The following ZZEF1 variants were observed in gnomAD, a reference collection of about 807,000 sequenced individuals.
ZZEF1 encodes zinc finger ZZ-type and EF-hand domain containing 1.
A neutral mutation model predicts 342.8 loss-of-function variants in ZZEF1; 157 were observed. The ratio of observed to expected loss-of-function variants is 0.46; its 90% CI spans 0.40 to 0.52. The LOEUF (loss-of-function observed/expected upper bound fraction) is 0.52, where lower values mean the gene tolerates loss of function less well. ZZEF1 is among the 20% of genes least tolerant of loss of function. The probability of loss-of-function intolerance (pLI) is 0.00; values close to 1 mark genes in which losing one functional copy is unlikely to be tolerated. For synonymous variants in ZZEF1, 1,505 were observed against 1,429.1 expected (o/e 1.05, Z -1.20); for missense variants, 3,480 against 3,725.6 (o/e 0.93, Z 1.72).
At chr17:4,041,297 T>C (rs201367436) in intron 39 of ZZEF1, among the ~76,000 whole-genome samples, 5 of 103,802 alleles carry the variant, frequency 4.8e-5, no homozygotes, top group East Asian at 3.6e-4. Flanking sequence ...AGGGAACACA[T>C]AATGATTTTC....
rs1182573086 is a variant in ZZEF1 at position 4,117,087 on chromosome 17, A to G, written c.579T>C (p.Asn193=). The change falls in exon 3 of 55, where the codon AAT becomes AAC. Residue 193 remains asparagine (N), a synonymous_variant. Transcript: ENST00000381638. ...AGGGCATCACCGCGCTGGAGAGCCG[A>G]TTGCGGTGCAGGAAGCGCAGTATCA... ...SSMILRFLHR[N]RLSSAVMPYP... 2 of 1,614,066 alleles carry G rather than the reference A, an allele frequency of 1.2e-6. No homozygotes were observed. Among genetic ancestry groups the G allele is most frequent in the East Asian group, 4.5e-5 (2 of 44,892 alleles).
rs754936720 is a variant in ZZEF1 at position 4,082,482 on chromosome 17, T to C, written c.2669A>G (p.Lys890Arg). 4 of 1,614,154 alleles carry C rather than the reference T, an allele frequency of 2.5e-6. No homozygotes were observed. The highest frequency in any genetic ancestry group is 2.7e-5 in the African/African-American group (2 of 75,068). The change falls in exon 17 of 55, where the codon AAG becomes AGG. Residue 890 changes from lysine (K) to arginine (R), a missense_variant. Transcript: ENST00000381638. The stretch of plus-strand genomic sequence containing the variant: ...ACGGAAAGTGAGCTGCAGGGACTGC[T>C]TGTGCTCCTGCTCGGTGACATTCTT... ...TMMNVTEQEH[K>R]QSLQLTFRSL...
intron 1 of ZZEF1, among the ~76,000 whole-genome samples, chr17:4,139,172 T>C (rs1334025096): frequency 2.2e-5 from 3 of 136,640 alleles, no homozygotes; most frequent in Non-Finnish European, 4.6e-5. Context: ...AAAAGGTGTG[T>C]TGTACTATAA....
Position 4,142,997 on chromosome 17 carries a change from A to C in ZZEF1, c.-102T>G, listed in dbSNP as rs1567881486. ...CAGCTGGCGGGCGGGGACGCGGAGG[A>C]GACGACGGCGGCCCCTGCGGCTTCC... On this transcript the variant is annotated 5_prime_UTR_variant, in exon 1 of 55. Coordinates refer to ENST00000381638, the MANE Select transcript of ZZEF1 (RefSeq NM_015113.4). 11 of 1,269,336 alleles carry C rather than the reference A, an allele frequency of 8.7e-6. No individual in the cohort carries two copies. The highest frequency in any genetic ancestry group is 1.1e-5 in the Non-Finnish European group (11 of 1,012,272). The allele number at this position is 1,269,336 out of a possible 1,614,324, so 78.6% of individuals were successfully genotyped here. A position where few individuals can be genotyped will look rare whatever the true frequency, so the allele number is the denominator to read the frequency against.
chr17:4,093,816 GCTT>G (rs1359763734), intron 11 of ZZEF1, among the ~76,000 whole-genome samples: 2 of 151,940 alleles, frequency 1.3e-5, no homozygotes, highest in Non-Finnish European at 2.9e-5. Flanking sequence ...TCTTGTCTTA[GCTT>G]CTTCAATTTT....
chr17:4,065,831 A>G (rs954315574), intron 28 of ZZEF1, among the ~76,000 whole-genome samples: 1 of 152,294 alleles, frequency 6.6e-6, no homozygotes, highest in East Asian at 1.9e-4. Flanking sequence ...GTGTGAGCAC[A>G]CTTTAAAATC....
intron 9 of ZZEF1, among the ~76,000 whole-genome samples, chr17:4,097,907 A>G (rs1249431566): frequency 3.6e-5 from 5 of 139,118 alleles, no homozygotes; most frequent in Non-Finnish European, 1.5e-5. Flanking sequence ...TGGGCAGCAC[A>G]GTGAGACCCC....
Position 4,142,971 on chromosome 17 carries a change from G to T in ZZEF1, c.-76C>A. 1 of 1,274,144 alleles carries T rather than the reference G, an allele frequency of 7.8e-7. No homozygotes were observed. The highest frequency in any genetic ancestry group is 9.9e-7 in the Non-Finnish European group (1 of 1,014,272). 78.9% of individuals were successfully genotyped at this position (1,274,144 alleles called of 1,614,324 possible). A position where few individuals can be genotyped will look rare whatever the true frequency, so the allele number is the denominator to read the frequency against. On this transcript the variant is annotated 5_prime_UTR_variant, in exon 1 of 55. The change creates a new upstream start codon in the 5' untranslated region. Coordinates refer to ENST00000381638, the MANE Select transcript of ZZEF1 (RefSeq NM_015113.4). ...CGCCTCGACCTGTCAACCTCCGACA[G>T]CAGCTGGCGGGCGGGGACGCGGAGG...
At chr17:4,099,866 T>C (rs1427135025) in intron 9 of ZZEF1, among the ~76,000 whole-genome samples, 1 of 152,118 alleles carries the variant, frequency 6.6e-6, no homozygotes, top group East Asian at 1.9e-4. Context: ...ATTTTAAATC[T>C]ATAAGTTTTG....
rs1472212647 is a variant in ZZEF1, at chr17:4,020,991, A to G, written c.7404+138T>C. 6.7e-6 allele frequency: 6 copies of G among 901,160 alleles called. No individual in the cohort carries two copies. In the South Asian group the frequency reaches 9.0e-5, roughly 13 times the overall value. The allele number at this position is 901,160 out of a possible 1,614,324, so 55.8% of individuals were successfully genotyped here. ...TTCTGGATCAATTCTGCACAACATAAGACTGAGTCTTTAGGAAGTGAATTC... is the reference window on the plus strand; with the variant it reads ...TTCTGGATCAATTCTGCACAACATAGGACTGAGTCTTTAGGAAGTGAATTC... On this transcript the variant is annotated intron_variant, in intron 45 of 54. Transcript: ENST00000381638.
chr17:4,059,299 A>G lies in ZZEF1; in HGVS notation c.4884-9T>C, dbSNP rs1219635984. 1.3e-6 allele frequency: 2 copies of G among 1,592,860 alleles called. No individual in the cohort carries two copies. Among genetic ancestry groups the G allele is most frequent in the Non-Finnish European group, 1.7e-6 (2 of 1,175,698 alleles). ...CCAGGTGTCCAAAATAACTAGAAACAGAGGAAATCACTGATTCACTTAATT... is the reference window on the plus strand; with the variant it reads ...CCAGGTGTCCAAAATAACTAGAAACGGAGGAAATCACTGATTCACTTAATT... On this transcript the variant is annotated splice_polypyrimidine_tract_variant and intron_variant, in intron 30 of 54. Transcript: ENST00000381638.
intron 39 of ZZEF1, 114 bp from the exon 40 acceptor site, chr17:4,034,406 T>C: frequency 9.4e-7 from 1 of 1,063,090 alleles, no homozygotes; most frequent in Non-Finnish European, 1.3e-6. Flanking sequence ...AACGGAATCA[T>C]GCTTGTAGCT....
At chr17:4,062,603 A>G (rs1249382952) in intron 30 of ZZEF1, 150 bp downstream of exon 30, 3 of 870,088 alleles carry the variant, frequency 3.4e-6, no homozygotes, top group African/African-American at 1.7e-5. Context: ...GATATAACCC[A>G]TCTTTCCTTG....
chr17:4,086,705 C>T, intron 14 of ZZEF1, 50 bp from the exon 15 acceptor site: 4 of 1,597,048 alleles, frequency 2.5e-6, no homozygotes, highest in Non-Finnish European at 3.4e-6. Flanking sequence ...GTTGCATTTA[C>T]TCTCCAAAGC....
At chr17:4,025,613 T>C (rs1597777614) in intron 42 of ZZEF1, among the ~76,000 whole-genome samples, 1 of 147,928 alleles carries the variant, frequency 6.8e-6, no homozygotes, top group Non-Finnish European at 1.5e-5. Context: ...ACCCAGGAGG[T>C]GGAGGCTGCG....
intron 1 of ZZEF1, among the ~76,000 whole-genome samples, chr17:4,128,302 G>GGC (rs1202406502): frequency 7.3e-6 from 1 of 136,528 alleles, no homozygotes; most frequent in East Asian, 2.3e-4. Flanking sequence ...GAGCTGAGAT[G>GGC]GCGCCACCGC....
chr17:4,028,109 T>C (rs922080732), intron 42 of ZZEF1, among the ~76,000 whole-genome samples: 3 of 152,228 alleles, frequency 2.0e-5, no homozygotes, highest in Admixed American at 2.0e-4. Context: ...CTTTAACTTA[T>C]CATAGTCTAC....
intron 3 of ZZEF1, among the ~76,000 whole-genome samples, chr17:4,116,112 G>A (rs1392622624): frequency 6.6e-6 from 1 of 152,168 alleles, no homozygotes; most frequent in South Asian, 2.1e-4. Flanking sequence ...CTGAGGTCAG[G>A]AGTTTAAGAC....
In ZZEF1 at chr17:4,045,563, C is replaced by G. The variant is rs563321194; in HGVS notation, c.6016-1189G>C. 5.3e-5 allele frequency among the ~76,000 whole-genome samples: 8 copies of G among 152,210 alleles called. No individual in the cohort carries two copies. In the South Asian group the frequency reaches 1.7e-3, roughly 32 times the overall value. ...AGAAATATGACATTGTTTTCACTGC[C>G]ACAGATGAAGCTATTTTATTGCTGT... On this transcript the variant is annotated intron_variant, in intron 37 of 54. Transcript: ENST00000381638.
Sources: allele counts gnomAD v4.1 joint callset (sites outside exome capture counted in the v4.1 genomes callset), GRCh38; gene constraint gnomAD v4.1.1; transcripts MANE v1.5; gene names NCBI Gene and HGNC (gene_info 2026-07-23, HGNC 2026-07-21).